Variants in BET1 observed in about 807,000 individuals in gnomAD.
The protein encoded by BET1 is Bet1 golgi vesicular membrane trafficking protein.
In BET1, 9 loss-of-function variants were observed where a neutral mutation model predicts 13.9. The observed-to-expected ratio is 0.65, with a 90% CI of 0.39 to 1.13. BET1 has a LOEUF of 1.13. Among genes scored for constraint, BET1 ranks in the 50% most tolerant of loss-of-function variants. BET1 has a pLI of 0.01. For missense variants in BET1, 127 were observed against 133.6 expected, an observed-to-expected ratio of 0.95 and a Z score of 0.24; for synonymous variants, 39 against 47.3, an observed-to-expected ratio of 0.82 and a Z score of 0.72.
intron 4 of BET1, among the ~76,000 whole-genome samples, chr7:93,981,858 A>C (rs924432635): frequency 6.6e-6 from 1 of 152,196 alleles, no homozygotes; most frequent in African/African-American, 2.4e-5. Context: ...TGTGCATGGC[A>C]GTGGCAGAAG....
intron 4 of BET1, among the ~76,000 whole-genome samples, chr7:93,981,435 C>A (rs555966141): frequency 9.9e-5 from 15 of 152,238 alleles, no homozygotes; most frequent in East Asian, 9.6e-4. Flanking sequence ...CAAGTAAAAT[C>A]TTTTCCAAGT....
chr7:93,993,446 C>T lies in BET1; in HGVS notation c.*784G>A. ...GTTCAATGCCTGAGTTTCTTGCATA[C>T]TATTTCCATTTAAAGTTCAGTAATT... On this transcript the variant is annotated 3_prime_UTR_variant, in exon 4 of 4. Transcript: ENST00000222547. 1 of 983,030 alleles carries T rather than the reference C, an allele frequency of 1.0e-6. No homozygotes were observed. Among genetic ancestry groups the T allele is most frequent in the South Asian group, 4.7e-5 (1 of 21,244 alleles). 60.9% of individuals were successfully genotyped at this position (983,030 alleles called of 1,614,324 possible). A position where few individuals can be genotyped will look rare whatever the true frequency, so the allele number is the denominator to read the frequency against.
chr7:94,002,142 C>T (rs1318470519), intron 1 of BET1, among the ~76,000 whole-genome samples: 1 of 152,124 alleles, frequency 6.6e-6, no homozygotes, highest in African/African-American at 2.4e-5. Flanking sequence ...TGTAAAAAAG[C>T]TAGTGAGTAC....
At position 93,999,307 on chromosome 7, in the gene BET1, G is replaced by C. The variant is rs1584147374; in HGVS notation, c.20-13C>G. On this transcript the variant is annotated splice_polypyrimidine_tract_variant and intron_variant, in intron 1 of 3. Transcript: ENST00000222547. ...GGTACTCCTTCACCTGCAAGGATCA[G>C]AGTCACAAAGGTGGTTCTAGAGAAG... 2.5e-6 allele frequency: 4 copies of C among 1,598,066 alleles called. No homozygotes were observed. The Admixed American group carries it at 6.9e-5, about 28-fold the overall frequency.
chr7:93,983,314 A>G (rs190149921), intron 4 of BET1, among the ~76,000 whole-genome samples: 30 of 152,282 alleles, frequency 2.0e-4, no homozygotes, highest in Admixed American at 1.2e-3. Context: ...ATGCCATGAC[A>G]AGATCAACTC....
chr7:93,976,235 G>T, intron 4 of BET1: 1 of 601,346 alleles, frequency 1.7e-6, no homozygotes, highest in Non-Finnish European at 2.3e-6. Context: ...ATTAATGGAA[G>T]GCTTATGTGA....
intron 4 of BET1, chr7:93,976,211 C>T: frequency 2.5e-6 from 2 of 790,694 alleles, no homozygotes; most frequent in Non-Finnish European, 3.3e-6. Flanking sequence ...AAAAACTGAG[C>T]AGGTATTCAG....
chr7:93,977,638 T>C (rs908161187), intron 4 of BET1, among the ~76,000 whole-genome samples: 4 of 152,120 alleles, frequency 2.6e-5, no homozygotes, highest in Admixed American at 6.6e-5. Flanking sequence ...CTAGCTCTTA[T>C]TCTTGGCCAC....
chr7:93,993,690 T>C lies in BET1; in HGVS notation c.*540A>G. 2 of 1,348,388 alleles carry C rather than the reference T, an allele frequency of 1.5e-6. No individual in the cohort carries two copies. The highest frequency in any genetic ancestry group is 1.9e-6 in the Non-Finnish European group (2 of 1,056,374). The allele number at this position is 1,348,388 out of a possible 1,614,324, so 83.5% of individuals were successfully genotyped here. A position where few individuals can be genotyped will look rare whatever the true frequency, so the allele number is the denominator to read the frequency against. Reference sequence around the variant, plus strand: ...TGGGCAGAAAGAAATGAGGGGTCATTATCATCAAAAATTATTAGGAAGATT... The same window carrying C: ...TGGGCAGAAAGAAATGAGGGGTCATCATCATCAAAAATTATTAGGAAGATT... On this transcript the variant is annotated 3_prime_UTR_variant, in exon 4 of 4. Transcript: ENST00000222547.
At chr7:93,999,071 T>C (rs1795834512) in intron 2 of BET1, 99 bp downstream of exon 2, 1 of 959,536 alleles carries the variant, frequency 1.0e-6, no homozygotes, top group South Asian at 3.6e-5. Context: ...TCTGAGTAAA[T>C]GAATTCCTTA....
chr7:93,997,020 T>G lies in BET1; in HGVS notation c.145-699A>C, dbSNP rs138310149. ...ATGATAATAAATTGAAAAAAATAAA[T>G]ATTAGTGTTACTTACTTCCTGAAGC... On this transcript the variant is annotated intron_variant, in intron 2 of 3. Transcript: ENST00000222547. Among the ~76,000 whole-genome samples, 602 of 152,114 alleles carry G rather than the reference T, an allele frequency of 4.0e-3. 4 individuals are homozygous for G. The highest frequency in any genetic ancestry group is 0.014 in the African/African-American group (585 of 41,548).
At chr7:93,966,886 G>C (rs1287490750) in intron 6 of BET1, among the ~76,000 whole-genome samples, 1 of 151,710 alleles carries the variant, frequency 6.6e-6, no homozygotes, top group Non-Finnish European at 1.5e-5. Context: ...TAGTTCTTCT[G>C]TTTTAGTCTA....
At chr7:93,970,024 T>C (rs759415591) in intron 6 of BET1, among the ~76,000 whole-genome samples, 3 of 151,838 alleles carry the variant, frequency 2.0e-5, no homozygotes, top group Non-Finnish European at 2.9e-5. Context: ...AGAGTATCAA[T>C]TGCTAAGTGT....
At chr7:93,981,207 C>A (rs1302224391) in intron 4 of BET1, among the ~76,000 whole-genome samples, 1 of 152,202 alleles carries the variant, frequency 6.6e-6, no homozygotes, top group African/African-American at 2.4e-5. Flanking sequence ...CAGTGACCAA[C>A]TCTTCCTGGT....
chr7:93,963,670 C>T (rs568951123), exon 7 of BET1: 12 of 151,914 alleles, frequency 7.9e-5, no homozygotes, highest in Non-Finnish European at 1.6e-4. Flanking sequence ...TTTAAGTTCC[C>T]GTCTGAATGG....
chr7:93,968,983 C>T (rs993270983), intron 6 of BET1, among the ~76,000 whole-genome samples: 3 of 151,762 alleles, frequency 2.0e-5, no homozygotes, highest in Non-Finnish European at 2.9e-5. Context: ...ATCCGTTCAC[C>T]AGTGACTTCA....
chr7:93,989,038 C>T (rs887242601), downstream of BET1, among the ~76,000 whole-genome samples: 6 of 149,688 alleles, frequency 4.0e-5, no homozygotes, highest in African/African-American at 7.4e-5. Flanking sequence ...TTTTTTGAGA[C>T]GGAGTCACTC....
chr7:93,975,931 CAG>C (rs1795327897), exon 5 of BET1: 15 of 1,219,606 alleles, frequency 1.2e-5, no homozygotes, highest in Non-Finnish European at 1.5e-5. Flanking sequence ...TGGAAGGCTT[CAG>C]AGTCATTATT....
Position 93,973,774 on chromosome 7 carries a change from T to C in BET1, c.*49-1111A>G, listed in dbSNP as rs144785005. On this transcript the variant is annotated intron_variant and NMD_transcript_variant, in intron 5 of 6. Coordinates refer to the BET1 transcript ENST00000357520. ...TGCATACAAATACTGAATTATATGC[T>C]ACATAAAGGTTTTAAAATGCACCAG... is the stretch of plus-strand genomic sequence containing the variant. 1.6e-3 allele frequency among the ~76,000 whole-genome samples: 240 copies of C among 152,102 alleles called. 1 individual carries two copies. Among genetic ancestry groups the C allele is most frequent in the African/African-American group, 5.4e-3 (224 of 41,560 alleles).
Sources: gnomAD v4.1 joint callset for allele counts (sites outside exome capture counted in the v4.1 genomes callset) on GRCh38, gnomAD v4.1.1 for gene constraint, MANE v1.5 for transcripts, NCBI Gene and HGNC (gene_info 2026-07-23, HGNC 2026-07-21) for gene names.